Variants in NOX4 observed in about 807,000 individuals in gnomAD.
NOX4 encodes kidney oxidase-1.
NOX4 carries 69 observed loss-of-function variants against 87.6 expected under a neutral mutation model. The ratio of observed to expected loss-of-function variants is 0.79; its 90% CI spans 0.65 to 0.96. The LOEUF is 0.96. Among genes scored for constraint, NOX4 ranks in the 40% least tolerant of loss-of-function variants. NOX4 has a pLI of 0.00. For missense variants in NOX4, 680 were observed against 681.5 expected, an observed-to-expected ratio of 1.00 and a Z score of 0.02; for synonymous variants, 275 against 238.2, an observed-to-expected ratio of 1.15 and a Z score of -1.42.
At chr11:89,533,445 G>C in the NOX4 span, among the ~76,000 whole-genome samples, 1 of 149,912 alleles carries the variant, frequency 6.7e-6, no homozygotes, top group Non-Finnish European at 1.5e-5. Flanking sequence ...TGTAATAATA[G>C]AGGACAGTTT....
At chr11:89,382,217 C>T (rs1465954667) in intron 11 of NOX4, among the ~76,000 whole-genome samples, 2 of 152,020 alleles carry the variant, frequency 1.3e-5, no homozygotes, top group Non-Finnish European at 2.9e-5. Context: ...GCCTTCTTCA[C>T]TATGGGCAAC....
rs150364520 is a variant in NOX4 at position 89,335,964 on chromosome 11, T to C, written c.1516-19A>G. ...TTATCTTCTGCCAAAAAGAAAGCAC[T>C]ACATTATTCGATATTTAGTTAAGTA... On this transcript the variant is annotated intron_variant, in intron 16 of 17. Transcript: ENST00000263317. 680 of 1,453,404 alleles carry C rather than the reference T, an allele frequency of 4.7e-4. 1 individual carries two copies. The African/African-American group carries it at 8.9e-3, about 19-fold the overall frequency. 90.0% of individuals were successfully genotyped at this position (1,453,404 alleles called of 1,614,324 possible).
the NOX4 span, among the ~76,000 whole-genome samples, chr11:89,538,019 C>A: frequency 6.6e-6 from 1 of 152,326 alleles, no homozygotes; most frequent in Non-Finnish European, 1.5e-5. Flanking sequence ...TGCCCTATTT[C>A]TCCAGTCCCT....
At chr11:89,537,312 A>T in the NOX4 span, among the ~76,000 whole-genome samples, 4 of 152,062 alleles carry the variant, frequency 2.6e-5, no homozygotes, top group African/African-American at 4.8e-5. Flanking sequence ...TGGTCATTAA[A>T]ATATATAATA....
chr11:89,326,228 A>T lies in NOX4; in HGVS notation c.*528T>A, dbSNP rs935465778. 3 of 152,174 alleles carry T rather than the reference A, an allele frequency of 2.0e-5. No homozygotes were observed. The highest frequency in any genetic ancestry group is 7.2e-5 in the African/African-American group (3 of 41,458). 9.4% of individuals were successfully genotyped at this position (152,174 alleles called of 1,614,324 possible). On this transcript the variant is annotated 3_prime_UTR_variant, in exon 18 of 18. Transcript: ENST00000263317. ...GTAGTGGAGACGATTAGATATTGAC[A>T]CAAAGTACCCGTATCAATACAGAGT...
chr11:89,438,897 A>ATATATATAATATATAATATATTATATAT (rs1944313053), intron 6 of NOX4, among the ~76,000 whole-genome samples: 2 of 16,504 alleles, frequency 1.2e-4, no homozygotes, highest in Admixed American at 1.2e-3. Flanking sequence ...ATTATATATT[A>ATATATATAATATATAATATATTATATAT]TATATATAAT....
intron 5 of NOX4, among the ~76,000 whole-genome samples, chr11:89,442,729 T>C (rs1944511233): frequency 1.3e-5 from 2 of 152,150 alleles, no homozygotes; most frequent in Admixed American, 6.6e-5. Context: ...ATATTGAGCA[T>C]GTATAACTTT....
intron 3 of NOX4, among the ~76,000 whole-genome samples, chr11:89,451,203 T>G (rs999686721): frequency 1.3e-5 from 2 of 151,954 alleles, no homozygotes; most frequent in Non-Finnish European, 2.9e-5. Context: ...CCCTAGAACT[T>G]AAAGTATAAT....
chr11:89,398,873 CATACAGTA>C (rs1591118318), intron 11 of NOX4, among the ~76,000 whole-genome samples: 1 of 151,748 alleles, frequency 6.6e-6, no homozygotes, highest in East Asian at 2.0e-4. Context: ...GAATGAGGCA[CATACAGTA>C]ATATGGAAAG....
intron 11 of NOX4, among the ~76,000 whole-genome samples, chr11:89,376,726 C>A (rs1939868126): frequency 6.6e-6 from 1 of 151,864 alleles, no homozygotes; most frequent in South Asian, 2.1e-4. Context: ...ACTAAAAATA[C>A]AAAAAATTAG....
chr11:89,426,246 T>C (rs950063614), intron 7 of NOX4, among the ~76,000 whole-genome samples: 1 of 151,834 alleles, frequency 6.6e-6, no homozygotes, highest in Admixed American at 6.6e-5. Flanking sequence ...TTAACAAAGG[T>C]TCCAAAATGG....
At chr11:89,377,906 A>G (rs932306279) in intron 11 of NOX4, among the ~76,000 whole-genome samples, 1 of 152,170 alleles carries the variant, frequency 6.6e-6, no homozygotes, top group African/African-American at 2.4e-5. Context: ...TAAATTTACT[A>G]TATCTAAAAT....
chr11:89,365,187 C>G lies in NOX4; in HGVS notation c.1135+8245G>C, dbSNP rs758392458. On this transcript the variant is annotated intron_variant, in intron 12 of 17. Transcript: ENST00000263317. Reference sequence around the variant, plus strand: ...TGAAGGTAGACAATGCAGTATTACACAAAGGAAGAATATTTAATGGATCCT... The same window carrying G: ...TGAAGGTAGACAATGCAGTATTACAGAAAGGAAGAATATTTAATGGATCCT... Among the ~76,000 whole-genome samples the G allele has an allele frequency of 7.2e-5, 11 of 152,034 alleles. No individual in the cohort carries two copies. The South Asian group carries it at 1.2e-3, about 17-fold the overall frequency.
At chr11:89,519,983 C>T in the NOX4 span, among the ~76,000 whole-genome samples, 1 of 151,936 alleles carries the variant, frequency 6.6e-6, no homozygotes, top group Admixed American at 6.6e-5. Flanking sequence ...TAATAAAGTA[C>T]CCTACCATTT....
chr11:89,332,621 A>G (rs575400386), intron 17 of NOX4, among the ~76,000 whole-genome samples: 2 of 152,038 alleles, frequency 1.3e-5, no homozygotes, highest in Admixed American at 6.6e-5. Flanking sequence ...AAACATGGGA[A>G]TTTCTTGCAG....
At chr11:89,476,273 G>A (rs2135457566) in intron 2 of NOX4, among the ~76,000 whole-genome samples, 1 of 151,840 alleles carries the variant, frequency 6.6e-6, no homozygotes, top group Admixed American at 6.6e-5. Context: ...TGTTACATTT[G>A]TCAGGCTTGT....
intron 7 of NOX4, among the ~76,000 whole-genome samples, chr11:89,430,436 A>T (rs1443510841): frequency 6.6e-6 from 1 of 152,210 alleles, no homozygotes; most frequent in East Asian, 1.9e-4. Context: ...AGATGAAAGG[A>T]TTGTACATTT....
At chr11:89,409,077 G>A (rs1318715960) in intron 8 of NOX4, among the ~76,000 whole-genome samples, 1 of 151,094 alleles carries the variant, frequency 6.6e-6, no homozygotes, top group African/African-American at 2.4e-5. Context: ...AAAAAGGGAA[G>A]AGCTTTGACC....
At chr11:89,370,967 A>G (rs1234742768) in intron 12 of NOX4, among the ~76,000 whole-genome samples, 1 of 152,034 alleles carries the variant, frequency 6.6e-6, no homozygotes, top group Non-Finnish European at 1.5e-5. Flanking sequence ...TCAGCAAATA[A>G]AAAGTCATAT....
Sources: allele counts gnomAD v4.1 joint callset (sites outside exome capture counted in the v4.1 genomes callset), GRCh38; gene constraint gnomAD v4.1.1; transcripts MANE v1.5; gene names NCBI Gene and HGNC (gene_info 2026-07-23, HGNC 2026-07-21).